Variants in SUMF1 observed in about 807,000 individuals in gnomAD.
SUMF1 encodes the protein formylglycine-generating enzyme.
In SUMF1, 48 loss-of-function variants were observed where a neutral mutation model predicts 47.6. That is an observed-to-expected ratio of 1.01 (90% confidence interval 0.80 to 1.28). The LOEUF is 1.28. Among genes scored for constraint, SUMF1 ranks in the 50% most tolerant of loss-of-function variants. The pLI is 0.00. For synonymous variants in SUMF1, 230 were observed against 192.1 expected (o/e 1.20, Z -1.63); for missense variants, 571 against 485.4 (o/e 1.18, Z -1.66).
At chr3:4,234,105 G>C (rs919598816) in intron 8 of SUMF1, among the ~76,000 whole-genome samples, 3 of 152,018 alleles carry the variant, frequency 2.0e-5, no homozygotes, top group African/African-American at 7.2e-5. Context: ...ACAATTGTAC[G>C]GGTGTTTAAT....
chr3:4,278,973 T>C (rs1317140832), intron 8 of SUMF1, among the ~76,000 whole-genome samples: 1 of 152,176 alleles, frequency 6.6e-6, no homozygotes. Context: ...ATCTAGGCTT[T>C]GTAGTTTGTA....
At chr3:4,243,211 C>A (rs907947038) in intron 8 of SUMF1, among the ~76,000 whole-genome samples, 2 of 152,080 alleles carry the variant, frequency 1.3e-5, no homozygotes, top group African/African-American at 4.8e-5. Context: ...TTCAATAAAC[C>A]AGCTCCTGGA....
chr3:4,091,068 G>A (rs73129142), intron 8 of SUMF1, among the ~76,000 whole-genome samples: 6,442 of 150,576 alleles, frequency 0.043, 244 homozygotes, highest in African/African-American at 0.093. Context: ...GCGACAGAAC[G>A]AGACTCCATA....
chr3:4,111,458 G>A (rs959676405), intron 8 of SUMF1, among the ~76,000 whole-genome samples: 3 of 151,992 alleles, frequency 2.0e-5, no homozygotes, highest in Non-Finnish European at 2.9e-5. Flanking sequence ...AGTGACTCAC[G>A]CCTGTAATGC....
intron 8 of SUMF1, among the ~76,000 whole-genome samples, chr3:4,351,628 G>A (rs781474838): frequency 1.9e-4 from 29 of 151,918 alleles, no homozygotes; most frequent in African/African-American, 5.6e-4. Flanking sequence ...CTTCCACGCC[G>A]CCCCTAAAAA....
chr3:4,134,352 C>A (rs28802039), intron 8 of SUMF1, among the ~76,000 whole-genome samples: 4 of 152,140 alleles, frequency 2.6e-5, no homozygotes, highest in Non-Finnish European at 4.4e-5. Context: ...AACGAACAAC[C>A]TGTCCCTGAA....
rs538982485 is a variant in SUMF1, at chr3:4,390,424, A to C, written c.955-14035T>G. ...TTTCTTTGGTGTTTAGAAAGAGTAG[A>C]GTGGTTACTGTCTAAAAGCTTTCTG... On this transcript the variant is annotated intron_variant, in intron 7 of 8. Coordinates refer to ENST00000272902, the MANE Select transcript of SUMF1 (RefSeq NM_182760.4). Among the ~76,000 whole-genome samples, 44 of 152,280 alleles carry C rather than the reference A, an allele frequency of 2.9e-4. No homozygotes were observed. In the South Asian group the frequency reaches 8.7e-3, roughly 30 times the overall value.
In SUMF1 at chr3:4,403,829, G is replaced by C. The variant is rs574671635; in HGVS notation, c.954+7036C>G. Among the ~76,000 whole-genome samples, 6 of 152,240 alleles carry C rather than the reference G, an allele frequency of 3.9e-5. No individual in the cohort carries two copies. In the East Asian group the frequency reaches 1.2e-3, roughly 29 times the overall value. ...GTATCAAAGAAGGAATTCCCACAGG[G>C]GGAGAGGTTAGAGGAGGTTTCCATT... On this transcript the variant is annotated intron_variant, in intron 7 of 8. Coordinates refer to ENST00000272902, the MANE Select transcript of SUMF1 (RefSeq NM_182760.4).
At chr3:4,458,885 A>T (rs1430927366) in intron 1 of SUMF1, among the ~76,000 whole-genome samples, 1 of 152,206 alleles carries the variant, frequency 6.6e-6, no homozygotes, top group Non-Finnish European at 1.5e-5. Context: ...AAACTCTGTC[A>T]TTTATGACAG....
chr3:4,465,488 A>T (rs3000850), intron 1 of SUMF1, among the ~76,000 whole-genome samples: 30,104 of 151,884 alleles, frequency 0.2, 3,909 homozygotes, highest in Non-Finnish European at 0.3. Flanking sequence ...AAAAAAAAAA[A>T]AAGAAAAGAA....
intron 8 of SUMF1, among the ~76,000 whole-genome samples, chr3:4,106,805 C>T (rs1246631477): frequency 6.6e-6 from 1 of 151,964 alleles, no homozygotes; most frequent in East Asian, 1.9e-4. Context: ...TAGAAACCCT[C>T]GATAACTCCT....
At chr3:4,076,150 C>G (rs188431370) in intron 8 of SUMF1, among the ~76,000 whole-genome samples, 6 of 152,148 alleles carry the variant, frequency 3.9e-5, no homozygotes, top group Admixed American at 3.9e-4. Context: ...GATATATAGA[C>G]CAATGGAACA....
At chr3:4,375,710 T>C (rs1036132827) in intron 8 of SUMF1, among the ~76,000 whole-genome samples, 1 of 151,990 alleles carries the variant, frequency 6.6e-6, no homozygotes, top group African/African-American at 2.4e-5. Context: ...GAAAAATATA[T>C]GACTCAAAGA....
chr3:4,135,125 T>G (rs557309305), intron 8 of SUMF1, among the ~76,000 whole-genome samples: 11 of 152,178 alleles, frequency 7.2e-5, no homozygotes, highest in East Asian at 1.9e-4. Flanking sequence ...CATTTGATGA[T>G]GCCAGCATCA....
intron 2 of SUMF1, among the ~76,000 whole-genome samples, chr3:4,451,908 C>T (rs1176810321): frequency 2.0e-5 from 3 of 152,068 alleles, no homozygotes; most frequent in African/African-American, 2.4e-5. Flanking sequence ...TGGTCTCGAT[C>T]GCCTGACCTC....
At chr3:4,224,155 C>T (rs1420223282) in intron 8 of SUMF1, among the ~76,000 whole-genome samples, 1 of 152,084 alleles carries the variant, frequency 6.6e-6, no homozygotes, top group Non-Finnish European at 1.5e-5. Flanking sequence ...GTCATGATTC[C>T]TATGAGCAGA....
chr3:4,112,785 T>C (rs991381593), intron 8 of SUMF1, among the ~76,000 whole-genome samples: 1 of 152,136 alleles, frequency 6.6e-6, no homozygotes, highest in South Asian at 2.1e-4. Flanking sequence ...TCCACCCCAC[T>C]ATCCAACAGA....
chr3:4,391,571 TTCG>T (rs1281116332), intron 7 of SUMF1, among the ~76,000 whole-genome samples: 1 of 151,946 alleles, frequency 6.6e-6, no homozygotes, highest in East Asian at 1.9e-4. Flanking sequence ...CAGCCTTGAC[TTCG>T]TGGGCCCAGG....
chr3:4,212,714 T>C (rs559468047), intron 8 of SUMF1, among the ~76,000 whole-genome samples: 1 of 152,222 alleles, frequency 6.6e-6, no homozygotes, highest in Admixed American at 6.5e-5. Context: ...CAGAAGAACA[T>C]AAATGATCTA....
Sources: allele counts gnomAD v4.1 joint callset (sites outside exome capture counted in the v4.1 genomes callset), GRCh38; gene constraint gnomAD v4.1.1; transcripts MANE v1.5; gene names NCBI Gene and HGNC (gene_info 2026-07-23, HGNC 2026-07-21).